TNN: variants seen among roughly 807,000 people sequenced by gnomAD.
TNN encodes tenascin N.
Under a neutral mutation model 134.4 loss-of-function variants are expected in TNN, and 122 were observed. That is an observed-to-expected ratio of 0.91 (90% CI 0.78 to 1.06). TNN has a LOEUF of 1.06. Ranked by LOEUF, TNN falls within the 50% of genes least tolerant of loss-of-function variation. The pLI is 0.00. For missense variants in TNN, 1,739 were observed against 1,699.4 expected (o/e 1.02, Z -0.41); for synonymous variants, 710 against 670.3 (o/e 1.06, Z -0.91).
At position 175,145,552 on chromosome 1, in the gene TNN, C is replaced by CAAAAAAAAAAAAAAAAA. The variant is rs3028580; in HGVS notation, c.3759+1009_3759+1025dup. On this transcript the variant is annotated intron_variant, in intron 18 of 18. Coordinates refer to ENST00000239462, the MANE Select transcript of TNN (RefSeq NM_022093.2). ...TGGGTGGCAGAGCAAGACCCTGTCTCAAAAAAAAAAAAAAAAAAAAAAAGC... is the reference window on the plus strand; with the variant it reads ...TGGGTGGCAGAGCAAGACCCTGTCTCAAAAAAAAAAAAAAAAAAAAAAAAAAAAAAAAAAAAAAAAGC... Among the ~76,000 whole-genome samples, 125 of 28,894 alleles carry CAAAAAAAAAAAAAAAAA rather than the reference C, an allele frequency of 4.3e-3. 31 individuals carry two copies. The highest frequency in any genetic ancestry group is 6.0e-3 in the Non-Finnish European group (101 of 16,696). 19.0% of individuals were successfully genotyped at this position (28,894 alleles called of 152,430 possible).
chr1:175,122,631 C>T (rs1013410064), intron 11 of TNN, among the ~76,000 whole-genome samples: 1 of 152,150 alleles, frequency 6.6e-6, no homozygotes, highest in African/African-American at 2.4e-5. Flanking sequence ...TGTGGCAACA[C>T]GGATGTTGTT....
chr1:175,144,443 G>A lies in TNN; in HGVS notation c.3652G>A (p.Asp1218Asn), dbSNP rs1420644127. 3.1e-6 allele frequency: 5 copies of A among 1,614,044 alleles called. No individual in the cohort carries two copies. The highest frequency in any genetic ancestry group is 2.2e-5 in the East Asian group (1 of 44,894). The change falls in exon 18 of 19, where the codon GAT becomes AAT. Residue 1218 changes from aspartate (D) to asparagine (N), a missense_variant. Physicochemically the swap from Asp to Asn is conservative, Grantham distance 23 (BLOSUM62 1). Coordinates refer to ENST00000239462, the MANE Select transcript of TNN (RefSeq NM_022093.2). ...GTTTACAACTTTTGACAGAGACAAT[G>A]ATATCGCACTCAGCAACTGTGCCCT... ...WKFTTFDRDNDIALSNCALTH... is the reference protein window; with the variant it reads ...WKFTTFDRDNNIALSNCALTH...
intron 9 of TNN, among the ~76,000 whole-genome samples, chr1:175,109,675 A>T (rs558817226): frequency 2.1e-3 from 317 of 147,744 alleles, no homozygotes; most frequent in African/African-American, 7.2e-3. Flanking sequence ...TATATATATT[A>T]TATATATATA....
At position 175,069,407 on chromosome 1, in the gene TNN, C is replaced by T. The variant is rs138034763; in HGVS notation, c.-36+1472C>T. Among the ~76,000 whole-genome samples the T allele has an allele frequency of 3.6e-3, 542 of 152,292 alleles. 3 individuals carry two copies. Among genetic ancestry groups the T allele is most frequent in the Non-Finnish European group, 5.9e-3 (402 of 68,020 alleles). On this transcript the variant is annotated intron_variant, in intron 1 of 18. Transcript: ENST00000239462. ...ACAACTCTAAGTACTGCTTTGTCCC[C>T]AGTTTATAGGCTGCAGCTGACTCCC... is the stretch of plus-strand genomic sequence containing the variant.
At position 175,146,999 on chromosome 1, in the gene TNN, T is replaced by C; in HGVS notation, c.3828T>C (p.Pro1276=). Residue 1276 remains proline (P), a synonymous_variant, in exon 19 of 19, where the codon CCT becomes CCC. Coordinates refer to ENST00000239462, the MANE Select transcript of TNN (RefSeq NM_022093.2). ...SIPYVELKIR[P]HGYSREPVLG... is the part of the protein sequence containing the mutation. ...CTTACGTGGAGTTGAAAATCCGCCCTCATGGCTACAGCAGGGAGCCTGTCC... is the reference window on the plus strand; with the variant it reads ...CTTACGTGGAGTTGAAAATCCGCCCCCATGGCTACAGCAGGGAGCCTGTCC... 1 of 1,583,376 alleles carries C rather than the reference T, an allele frequency of 6.3e-7. No individual in the cohort carries two copies. The highest frequency in any genetic ancestry group is 8.6e-7 in the Non-Finnish European group (1 of 1,163,494).
intron 9 of TNN, among the ~76,000 whole-genome samples, chr1:175,112,114 G>C (rs1675043585): frequency 6.6e-6 from 1 of 152,036 alleles, no homozygotes; most frequent in South Asian, 2.1e-4. Flanking sequence ...TCAGTGTATT[G>C]TTAAATATGG....
At chr1:175,127,538 T>C (rs1185664339) in intron 13 of TNN, among the ~76,000 whole-genome samples, 1 of 152,220 alleles carries the variant, frequency 6.6e-6, no homozygotes, top group East Asian at 1.9e-4. Flanking sequence ...TTAGTGCTTA[T>C]GACAGCACAG....
chr1:175,132,043 G>A (rs536298699), intron 15 of TNN, among the ~76,000 whole-genome samples: 12 of 152,038 alleles, frequency 7.9e-5, no homozygotes, highest in African/African-American at 2.7e-4. Flanking sequence ...TTCTAGGGGG[G>A]CAGGGTTGGA....
At chr1:175,078,010 G>A (rs1157810417) in intron 2 of TNN, among the ~76,000 whole-genome samples, 183 bp downstream of exon 2, 1 of 152,194 alleles carries the variant, frequency 6.6e-6, no homozygotes, top group Non-Finnish European at 1.5e-5. Context: ...AGCTCCAGGG[G>A]GCATCTGGAA....
At position 175,098,587 on chromosome 1, in the gene TNN, C is replaced by G. The variant is rs147445406; in HGVS notation, c.2111C>G (p.Ala704Gly). 7 of 1,614,022 alleles carry G rather than the reference C, an allele frequency of 4.3e-6. No individual in the cohort carries two copies. The highest frequency in any genetic ancestry group is 5.1e-6 in the Non-Finnish European group (6 of 1,179,954). Residue 704 changes from alanine (A) to glycine (G), a missense_variant, in exon 9 of 19, where the codon GCC becomes GGC. Transcript: ENST00000239462. Reference protein sequence around the residue: ...DQESKKADTKAQTDIDSPQNL... With the variant: ...DQESKKADTKGQTDIDSPQNL... Reference sequence around the variant, plus strand: ...GAGAGCAAGAAGGCCGACACCAAGGCCCAGACAGGTAAGGAGTGTGCATTA... The same window carrying G: ...GAGAGCAAGAAGGCCGACACCAAGGGCCAGACAGGTAAGGAGTGTGCATTA...
chr1:175,111,438 G>A (rs1187411896), intron 9 of TNN, among the ~76,000 whole-genome samples: 1 of 121,294 alleles, frequency 8.2e-6, no homozygotes, highest in Admixed American at 1.2e-4. Flanking sequence ...AGTGAGCTGA[G>A]ATCATGCCAC....
chr1:175,090,623 C>T (rs1157131112), intron 6 of TNN, among the ~76,000 whole-genome samples: 1 of 152,194 alleles, frequency 6.6e-6, no homozygotes, highest in African/African-American at 2.4e-5. Flanking sequence ...ATGTTACAGC[C>T]TAGTGTGAAG....
chr1:175,092,264 C>T (rs564222338), intron 6 of TNN, among the ~76,000 whole-genome samples: 6 of 152,272 alleles, frequency 3.9e-5, no homozygotes, highest in South Asian at 4.1e-4. Flanking sequence ...TTCTCTCTAT[C>T]GTTGCACTCT....
intron 7 of TNN, 22 bp downstream of exon 7, chr1:175,094,275 A>C (rs1368611711): frequency 1.3e-6 from 2 of 1,535,652 alleles, no homozygotes; most frequent in Non-Finnish European, 1.8e-6. Flanking sequence ...ACGGGAGCAT[A>C]AATAGGTTTC....
Position 175,144,448 on chromosome 1 carries a change from C to T in TNN, c.3657C>T (p.Ile1219=), listed in dbSNP as rs771547898. The change falls in exon 18 of 19, where the codon ATC becomes ATT. Residue 1219 remains isoleucine (I), a synonymous_variant. Transcript: ENST00000239462. ...CAACTTTTGACAGAGACAATGATAT[C>T]GCACTCAGCAACTGTGCCCTGACAC... is the stretch of plus-strand genomic sequence containing the variant. ...KFTTFDRDND[I]ALSNCALTHH... The T allele has an allele frequency of 3.0e-5, 49 of 1,614,054 alleles. No individual in the cohort carries two copies. Among genetic ancestry groups the T allele is most frequent in the Non-Finnish European group, 3.8e-5 (45 of 1,180,004 alleles).
Position 175,079,438 on chromosome 1 carries a change from C to T in TNN, c.515C>T (p.Pro172Leu). ...EGPACERLAC[P>L]GACSGHGRCV... The stretch of plus-strand genomic sequence containing the variant: ...CCCGCCTGCGAGCGGCTGGCCTGCC[C>T]CGGGGCGTGCAGCGGCCACGGGCGT... The change falls in exon 3 of 19, where the codon CCC becomes CTC. Residue 172 changes from proline (P) to leucine (L), a missense_variant. Physicochemically the swap from Pro to Leu is moderately conservative, Grantham distance 98. Transcript: ENST00000239462. 6.3e-7 allele frequency: 1 copy of T among 1,581,068 alleles called. No homozygotes were observed. Among genetic ancestry groups the T allele is most frequent in the Non-Finnish European group, 8.6e-7 (1 of 1,166,876 alleles).
chr1:175,125,843 TTTTCTTTCTTTCTTTTTTCTTTTTC>T (rs1469345746), intron 12 of TNN, among the ~76,000 whole-genome samples: 5 of 3,522 alleles, frequency 1.4e-3, no homozygotes, highest in South Asian at 5.7e-3. Flanking sequence ...TCTTTTTTCT[TTTTCTTTCTTTCTTTTTTCTTTTTC>T]TTTCTTTCTT....
intron 3 of TNN, 150 bp from the exon 4 acceptor site, chr1:175,080,013 G>T (rs936044814): frequency 3.7e-6 from 4 of 1,073,244 alleles, no homozygotes; most frequent in South Asian, 3.0e-5. Flanking sequence ...ATTACCTGTC[G>T]TTCGGATAAT....
At chr1:175,070,695 C>G (rs1204480430) in intron 1 of TNN, among the ~76,000 whole-genome samples, 2 of 152,220 alleles carry the variant, frequency 1.3e-5, no homozygotes, top group Admixed American at 1.3e-4. Context: ...CTTGCTTCTA[C>G]TGGAGTTTAA....
Sources: allele counts gnomAD v4.1 joint callset (sites outside exome capture counted in the v4.1 genomes callset), GRCh38; gene constraint gnomAD v4.1.1; transcripts MANE v1.5; gene names NCBI Gene and HGNC (gene_info 2026-07-23, HGNC 2026-07-21).